The following CKAP2L variants were observed in gnomAD, a reference collection of about 807,000 sequenced individuals.
CKAP2L encodes the protein cytoskeleton-associated protein 2-like.
Under a neutral mutation model 65.7 loss-of-function variants are expected in CKAP2L, and 42 were observed. The observed-to-expected ratio is 0.64, with a 90% CI of 0.50 to 0.83. CKAP2L has a LOEUF of 0.83. Ranked by LOEUF, CKAP2L falls within the 40% of genes least tolerant of loss-of-function variation. The pLI, the probability that CKAP2L is intolerant of heterozygous loss-of-function variation, is 0.00. For missense variants in CKAP2L, 908 were observed against 871.0 expected (o/e 1.04, Z -0.53); for synonymous variants, 325 against 313.5 (o/e 1.04, Z -0.39).
At chr2:112,754,580 T>C (rs1680476478) in intron 4 of CKAP2L, among the ~76,000 whole-genome samples, 1 of 152,220 alleles carries the variant, frequency 6.6e-6, no homozygotes, top group South Asian at 2.1e-4. Flanking sequence ...ACCAAACAAT[T>C]AGCTCCAGAA....
intron 6 of CKAP2L, among the ~76,000 whole-genome samples, chr2:112,743,823 A>G (rs780585428): frequency 7.9e-5 from 12 of 152,192 alleles, no homozygotes; most frequent in Non-Finnish European, 1.5e-4. Flanking sequence ...ACTTAGAAAA[A>G]AAAACCTTCA....
rs1424451467 is a variant in CKAP2L at position 112,752,938 on chromosome 2, C to T, written c.1395-464G>A. 6.6e-5 allele frequency among the ~76,000 whole-genome samples: 10 copies of T among 152,238 alleles called. No individual in the cohort carries two copies. In the East Asian group the frequency reaches 1.9e-3, roughly 29 times the overall value. Reference sequence around the variant, plus strand: ...GACCCACTTCACCTAGTTCCTTAGCCCTCTCTTGACCAGACATGACTCTTT... The same window carrying T: ...GACCCACTTCACCTAGTTCCTTAGCTCTCTCTTGACCAGACATGACTCTTT... On this transcript the variant is annotated intron_variant, in intron 4 of 8. Coordinates refer to ENST00000302450, the MANE Select transcript of CKAP2L (RefSeq NM_152515.5).
chr2:112,746,353 AAAC>A lies in CKAP2L; in HGVS notation c.1758+64_1758+66del, dbSNP rs1435899285. 7 of 1,359,364 alleles carry A rather than the reference AAAC, an allele frequency of 5.1e-6. No homozygotes were observed. The African/African-American group carries it at 1.0e-4, about 20-fold the overall frequency. The allele number at this position is 1,359,364 out of a possible 1,614,324, so 84.2% of individuals were successfully genotyped here. A position where few individuals can be genotyped will look rare whatever the true frequency, so the allele number is the denominator to read the frequency against. On this transcript the variant is annotated intron_variant, in intron 6 of 8. Transcript: ENST00000302450. ...TGCAAACTTCTAACCATCATATTAC[AAAC>A]AACAACAGAGAACTCACATGAAAGA...
rs573996534 is a variant in CKAP2L, at chr2:112,764,261, C to T, written c.37+301G>A. ...TTCCCACTGCTGGTGAAAACCCGAG[C>T]AAGGGGCCTCAGTTTCTTTATCCGG... On this transcript the variant is annotated intron_variant, in intron 1 of 8. Coordinates refer to ENST00000302450, the MANE Select transcript of CKAP2L (RefSeq NM_152515.5). The T allele has an allele frequency of 5.2e-5, 25 of 476,752 alleles. No individual in the cohort carries two copies. The South Asian group carries it at 5.6e-4, about 11-fold the overall frequency. The allele number at this position is 476,752 out of a possible 1,614,324, so 29.5% of individuals were successfully genotyped here.
intron 3 of CKAP2L, among the ~76,000 whole-genome samples, chr2:112,758,509 C>A (rs918935668): frequency 6.6e-6 from 1 of 152,048 alleles, no homozygotes; most frequent in Non-Finnish European, 1.5e-5. Context: ...TGGATGATAG[C>A]GGTGTGTGTG....
chr2:112,764,289 C>A (rs1476669254), intron 1 of CKAP2L, among the ~76,000 whole-genome samples: 1 of 152,218 alleles, frequency 6.6e-6, no homozygotes, highest in Non-Finnish European at 1.5e-5. Flanking sequence ...TTATCCGGAA[C>A]GTGGTGACAA....
Position 112,738,673 on chromosome 2 carries a change from T to C in CKAP2L, c.*150A>G, listed in dbSNP as rs954953020. On this transcript the variant is annotated 3_prime_UTR_variant, in exon 9 of 9. Transcript: ENST00000302450. ...AAGATTTTCCCATGGGGAGAGAAAA[T>C]TTGAGAGTAAGCCCAGTGAATTACT... 25 of 618,800 alleles carry C rather than the reference T, an allele frequency of 4.0e-5. No individual in the cohort carries two copies. The highest frequency in any genetic ancestry group is 5.1e-5 in the Non-Finnish European group (18 of 350,512). 38.3% of individuals were successfully genotyped at this position (618,800 alleles called of 1,614,324 possible). A position where few individuals can be genotyped will look rare whatever the true frequency, so the allele number is the denominator to read the frequency against.
In CKAP2L at chr2:112,738,769, T is replaced by C; in HGVS notation, c.*54A>G. ...TTTCCAGGTCACTTGGACAAGAATA[T>C]TTCTTGTCTTATGTTGGTTCTGAAA... On this transcript the variant is annotated 3_prime_UTR_variant, in exon 9 of 9. Coordinates refer to ENST00000302450, the MANE Select transcript of CKAP2L (RefSeq NM_152515.5). 1 of 1,209,054 alleles carries C rather than the reference T, an allele frequency of 8.3e-7. No homozygotes were observed. The highest frequency in any genetic ancestry group is 1.2e-6 in the Non-Finnish European group (1 of 819,452). The allele number at this position is 1,209,054 out of a possible 1,614,324, so 74.9% of individuals were successfully genotyped here. A position where few individuals can be genotyped will look rare whatever the true frequency, so the allele number is the denominator to read the frequency against.
At chr2:112,755,765 C>T (rs966631832) in intron 4 of CKAP2L, among the ~76,000 whole-genome samples, 3 of 151,814 alleles carry the variant, frequency 2.0e-5, no homozygotes, top group African/African-American at 4.8e-5. Context: ...TGTAAACATA[C>T]GATTACAGAA....
Position 112,757,201 on chromosome 2 carries a change from T to G in CKAP2L, c.170A>C (p.Lys57Thr), listed in dbSNP as rs773584593. The part of the protein sequence containing the change: ...QPPSKSTIRP[K>T]NDVTNHVVLP... ...AACAACATGGTTGGTAACATCATTT[T>G]TGGGTCTAATAGTCTGAAAAAACAA... Residue 57 changes from lysine (K) to threonine (T), a missense_variant, in exon 4 of 9, where the codon AAA becomes ACA. Coordinates refer to ENST00000302450, the MANE Select transcript of CKAP2L (RefSeq NM_152515.5). 2.5e-6 allele frequency: 4 copies of G among 1,605,508 alleles called. No individual in the cohort carries two copies. The East Asian group carries it at 8.9e-5, about 36-fold the overall frequency.
rs1679907535 is a variant in CKAP2L at position 112,741,002 on chromosome 2, T to C, written c.1828A>G (p.Thr610Ala). 6.2e-7 allele frequency: 1 copy of C among 1,606,312 alleles called. No homozygotes were observed. The highest frequency in any genetic ancestry group is 8.5e-7 in the Non-Finnish European group (1 of 1,173,446). ...GTTTCAGCAACTAAAGAGTCAGAAGTAATCCCTGTGTATGTAAGATCATGA... is the reference window on the plus strand; with the variant it reads ...GTTTCAGCAACTAAAGAGTCAGAAGCAATCCCTGTGTATGTAAGATCATGA... ...QDSNRTTEGI[T>A]SDSLVAETSI... The change falls in exon 8 of 9, where the codon ACT (threonine) becomes GCT (alanine). Residue 610 changes from threonine to alanine, a missense_variant. By Grantham distance (58) the Thr-to-Ala change is moderately conservative. Coordinates refer to ENST00000302450, the MANE Select transcript of CKAP2L (RefSeq NM_152515.5).
Position 112,756,183 on chromosome 2 carries a change from T to C in CKAP2L, c.1188A>G (p.Ile396Met), listed in dbSNP as rs763715289. ...TATTACCACTGGTTCCATTTGGTCT[T>C]ATGCTAGGGGTGCTTGGAATGGCTG... ...FNSAIPSTPSIRPNGTSGNKH... is the reference protein window; with the variant it reads ...FNSAIPSTPSMRPNGTSGNKH... The change falls in exon 4 of 9, where the codon ATA (isoleucine) becomes ATG (methionine). Residue 396 changes from isoleucine to methionine, a missense_variant. Ile to Met is a conservative substitution (Grantham distance 10, BLOSUM62 1). Coordinates refer to ENST00000302450, the MANE Select transcript of CKAP2L (RefSeq NM_152515.5). The C allele has an allele frequency of 1.9e-6, 3 of 1,614,176 alleles. No homozygotes were observed. In the South Asian group the frequency reaches 3.3e-5, roughly 18 times the overall value.
At chr2:112,748,681 T>TGAGAC (rs1680276544) in intron 5 of CKAP2L, among the ~76,000 whole-genome samples, 1 of 152,058 alleles carries the variant, frequency 6.6e-6, no homozygotes, top group Non-Finnish European at 1.5e-5. Flanking sequence ...GGCAACACAG[T>TGAGAC]GAGACCCTGT....
At chr2:112,742,866 G>T in intron 6 of CKAP2L, 97 bp from the exon 7 acceptor site, 2 of 779,266 alleles carry the variant, frequency 2.6e-6, no homozygotes, top group African/African-American at 1.7e-5. Context: ...TATAATAAAA[G>T]TTTCCTTTTA....
In CKAP2L at chr2:112,746,529, T is replaced by TCAGGAATGCTGGA; in HGVS notation, c.1636_1648dup (p.Glu550ValfsTer5). The stretch of plus-strand genomic sequence containing the variant: ...CCAGAATTTAGCAAATTTTTCAGCT[T>TCAGGAATGCTGGA]CAGGAATGCTGGACAATATGTTAAG... On this transcript the variant is annotated stop_gained and frameshift_variant, in exon 6 of 9. Coordinates refer to ENST00000302450, the MANE Select transcript of CKAP2L (RefSeq NM_152515.5). LOFTEE classifies it high-confidence loss of function. The TCAGGAATGCTGGA allele has an allele frequency of 6.2e-7, 1 of 1,613,532 alleles. No individual in the cohort carries two copies. The highest frequency in any genetic ancestry group is 8.5e-7 in the Non-Finnish European group (1 of 1,179,554).
Position 112,756,468 on chromosome 2 carries a change from T to A in CKAP2L, c.903A>T (p.Lys301Asn). The A allele has an allele frequency of 6.2e-7, 1 of 1,611,996 alleles. No individual in the cohort carries two copies. Among genetic ancestry groups the A allele is most frequent in the Non-Finnish European group, 8.5e-7 (1 of 1,179,266 alleles). The change falls in exon 4 of 9, where the codon AAA (lysine) becomes AAT (asparagine). Residue 301 changes from lysine to asparagine, a missense_variant. Lys to Asn is a moderately conservative substitution (Grantham distance 94). Coordinates refer to ENST00000302450, the MANE Select transcript of CKAP2L (RefSeq NM_152515.5). The stretch of plus-strand genomic sequence containing the variant: ...ATTGACTCCTATTAACCTTTATATC[T>A]TTGATGTTCTTGACTACTGGTTTCT... ...SSKKPVVKNI[K>N]DIKVNRSQYE...
intron 6 of CKAP2L, among the ~76,000 whole-genome samples, chr2:112,745,788 A>G (rs1680183848): frequency 6.6e-6 from 1 of 152,200 alleles, no homozygotes; most frequent in South Asian, 2.1e-4. Context: ...AGGATGGTAA[A>G]TAGGGGTGTG....
chr2:112,755,631 C>T (rs1680506671), intron 4 of CKAP2L, among the ~76,000 whole-genome samples: 1 of 152,042 alleles, frequency 6.6e-6, no homozygotes, highest in African/African-American at 2.4e-5. Flanking sequence ...TGTGAACTCA[C>T]TTATCTGCTC....
chr2:112,742,523 G>A, intron 7 of CKAP2L, 183 bp downstream of exon 7: 3 of 713,474 alleles, frequency 4.2e-6, no homozygotes, highest in Non-Finnish European at 7.8e-6. Flanking sequence ...ATTGAGTAGT[G>A]CATTTACTTG....
Sources: allele counts gnomAD v4.1 joint callset (sites outside exome capture counted in the v4.1 genomes callset), GRCh38; gene constraint gnomAD v4.1.1; transcripts MANE v1.5; gene names NCBI Gene and HGNC (gene_info 2026-07-23, HGNC 2026-07-21).